The following TBCD variants were observed in gnomAD, a reference collection of about 807,000 sequenced individuals.
TBCD encodes the protein tubulin folding cofactor D.
Under a neutral mutation model 169.3 loss-of-function variants are expected in TBCD, and 105 were observed. That is an observed-to-expected ratio of 0.62 (90% CI 0.53 to 0.73). TBCD has a LOEUF of 0.73. TBCD is among the 30% of genes least tolerant of loss of function. The pLI, the probability that TBCD is intolerant of heterozygous loss-of-function variation, is 0.00. For synonymous variants in TBCD, 700 were observed against 643.9 expected (o/e 1.09, Z -1.32); for missense variants, 1,444 against 1,600.1 (o/e 0.90, Z 1.66).
chr17:82,863,939 C>T (rs527880093), intron 13 of TBCD, among the ~76,000 whole-genome samples: 8 of 152,338 alleles, frequency 5.3e-5, no homozygotes, highest in Admixed American at 4.6e-4. Flanking sequence ...TGCCTCACAG[C>T]GGCAGTCCGA....
intron 17 of TBCD, among the ~76,000 whole-genome samples, chr17:82,899,293 G>A (rs920791342): frequency 2.0e-5 from 3 of 148,668 alleles, no homozygotes; most frequent in South Asian, 2.1e-4. Context: ...TCCTCAGTGC[G>A]TGTGTCCTCC....
rs1598350951 is a variant in TBCD at position 82,752,161 on chromosome 17, G to T, written c.-33G>T. On this transcript the variant is annotated 5_prime_UTR_variant, in exon 1 of 39. Transcript: ENST00000355528. The stretch of plus-strand genomic sequence containing the variant: ...CTAGCGGAGTGGGATCTGCGAACAC[G>T]TGAGGCGGGGGCGCGGTCCCCAGGC... 6.8e-7 allele frequency: 1 copy of T among 1,469,210 alleles called. No individual in the cohort carries two copies. The highest frequency in any genetic ancestry group is 2.9e-5 in the East Asian group (1 of 34,360). 91.0% of individuals were successfully genotyped at this position (1,469,210 alleles called of 1,614,324 possible).
In TBCD at chr17:82,806,639, C is replaced by G. The variant is rs1200354634; in HGVS notation, c.1087+628C>G. 6.6e-6 allele frequency among the ~76,000 whole-genome samples: 1 copy of G among 152,134 alleles called. No homozygotes were observed. Among genetic ancestry groups the G allele is most frequent in the Non-Finnish European group, 1.5e-5 (1 of 68,006 alleles). ...AGGCCCCCATCCTCCCAGTATCTCC[C>G]AGCTTCCTGATGGGCAGGCGGGGCC... On this transcript the variant is annotated intron_variant, in intron 10 of 38. Coordinates refer to ENST00000355528, the MANE Select transcript of TBCD (RefSeq NM_005993.5). The surrounding 1 kb of genome is among the most constrained non-coding windows in gnomAD (Gnocchi z 5.1).
At chr17:82,788,465 TTCCCC>T (rs2144442981) in intron 7 of TBCD, among the ~76,000 whole-genome samples, 1 of 152,270 alleles carries the variant, frequency 6.6e-6, no homozygotes, top group Non-Finnish European at 1.5e-5. Flanking sequence ...TAGGATGCTC[TTCCCC>T]TTATCGGCTG....
At position 82,835,953 on chromosome 17, in the gene TBCD, C is replaced by T. The variant is rs569200145; in HGVS notation, c.1318+21019C>T. On this transcript the variant is annotated intron_variant, in intron 13 of 38. Transcript: ENST00000355528. The surrounding 1 kb of genome is among the most constrained non-coding windows in gnomAD (Gnocchi z 4.5). ...GTTACCCTACAACCAGGGAGGGTGT[C>T]GGGTGACACCCTGGGCTCAGACCCC... Among the ~76,000 whole-genome samples the T allele has an allele frequency of 3.9e-5, 6 of 152,298 alleles. No individual in the cohort carries two copies. Among genetic ancestry groups the T allele is most frequent in the African/African-American group, 9.6e-5 (4 of 41,572 alleles).
rs138391103 is a variant in TBCD at position 82,831,150 on chromosome 17, G to A, written c.1318+16216G>A. ...TTCCCAGTGCGCTGGAGGCTGCCTTGTTGGAGAGGTCGTACAGGCCTTCGC... is the reference window on the plus strand; with the variant it reads ...TTCCCAGTGCGCTGGAGGCTGCCTTATTGGAGAGGTCGTACAGGCCTTCGC... On this transcript the variant is annotated intron_variant, in intron 13 of 38. Transcript: ENST00000355528. This position sits in a 1 kb window ranked among gnomAD's most constrained non-coding sequence, Gnocchi z 4.6. 1.7e-5 allele frequency: 28 copies of A among 1,614,148 alleles called. No individual in the cohort carries two copies. In the East Asian group the frequency reaches 6.0e-4, roughly 35 times the overall value.
intron 2 of TBCD, among the ~76,000 whole-genome samples, chr17:82,758,400 A>AAAAATAAAAAAAT (rs1035939621): frequency 1.0e-5 from 1 of 100,032 alleles, no homozygotes; most frequent in African/African-American, 3.6e-5. Context: ...AAAAAAAAAA[A>AAAAATAAAAAAAT]AAATAAATAA....
intron 13 of TBCD, among the ~76,000 whole-genome samples, chr17:82,820,705 G>C (rs2052344305): frequency 6.6e-6 from 1 of 151,862 alleles, no homozygotes; most frequent in Non-Finnish European, 1.5e-5. Flanking sequence ...TACGCTTGAT[G>C]GTGCCCTATG....
rs973586512 is a variant in TBCD at position 82,890,813 on chromosome 17, C to T, written c.1563+1116C>T. On this transcript the variant is annotated intron_variant, in intron 16 of 38. Coordinates refer to ENST00000355528, the MANE Select transcript of TBCD (RefSeq NM_005993.5). This position sits in a 1 kb window ranked among gnomAD's most constrained non-coding sequence, Gnocchi z 5.3. The stretch of plus-strand genomic sequence containing the variant: ...AGAGACACCAGCCTTGCAAGGGGAG[C>T]CTGGGTGTGCAGACAGCAAGAGCCG... Among the ~76,000 whole-genome samples the T allele has an allele frequency of 6.6e-6, 1 of 152,174 alleles. No individual in the cohort carries two copies. Among genetic ancestry groups the T allele is most frequent in the African/African-American group, 2.4e-5 (1 of 41,448 alleles).
chr17:82,850,862 A>G lies in TBCD; in HGVS notation c.1319-19362A>G, dbSNP rs79524656. Among the ~76,000 whole-genome samples the G allele has an allele frequency of 8.0e-4, 122 of 152,374 alleles. 4 individuals are homozygous for G. The East Asian group carries it at 0.021, about 26-fold the overall frequency. ...GCAGAGATAAATGGACAGACCCGGT[A>G]TCCTCCTGAGAGCTCAAAACACCTC... On this transcript the variant is annotated intron_variant, in intron 13 of 38. Transcript: ENST00000355528.
At position 82,880,726 on chromosome 17, in the gene TBCD, G is replaced by T. The variant is rs1424912450; in HGVS notation, c.1476-3419G>T. On this transcript the variant is annotated intron_variant, in intron 14 of 38. Transcript: ENST00000355528. The surrounding 1 kb of genome is among the most constrained non-coding windows in gnomAD (Gnocchi z 5.0). ...GCTCCCCACACAGTGACACCTGTCT[G>T]TCCGTCCGTCTGTCCACAGGAGCAG... is the stretch of plus-strand genomic sequence containing the variant. Among the ~76,000 whole-genome samples, 1 of 151,612 alleles carries T rather than the reference G, an allele frequency of 6.6e-6. No homozygotes were observed. The highest frequency in any genetic ancestry group is 2.4e-5 in the African/African-American group (1 of 40,868).
rs752950340 is a variant in TBCD, at chr17:82,874,069, G to A, written c.1475+3689G>A. 3.3e-5 allele frequency among the ~76,000 whole-genome samples: 5 copies of A among 152,210 alleles called. No homozygotes were observed. Among genetic ancestry groups the A allele is most frequent in the East Asian group, 1.9e-4 (1 of 5,192 alleles). On this transcript the variant is annotated intron_variant, in intron 14 of 38. Transcript: ENST00000355528. The surrounding 1 kb of genome is among the most constrained non-coding windows in gnomAD (Gnocchi z 5.0). ...CGTGTGGACCGGCACGGGCATGGTC[G>A]TGGTCTGCCCAGCTGGGTGTGGGGT...
chr17:82,937,556 C>T lies in TBCD; in HGVS notation c.3281+196C>T, dbSNP rs1262089322. 3 of 618,976 alleles carry T rather than the reference C, an allele frequency of 4.8e-6. No individual in the cohort carries two copies. In the East Asian group the frequency reaches 8.2e-5, roughly 17 times the overall value. 38.3% of individuals were successfully genotyped at this position (618,976 alleles called of 1,614,324 possible). The stretch of plus-strand genomic sequence containing the variant: ...AGCCCAGGTGCTGGTGGAGGGAGTT[C>T]CCGCGGGAACAGGCGAGCTCTGCCT... On this transcript the variant is annotated intron_variant, in intron 35 of 38. Coordinates refer to ENST00000355528, the MANE Select transcript of TBCD (RefSeq NM_005993.5).
intron 23 of TBCD, among the ~76,000 whole-genome samples, chr17:82,914,596 C>T (rs554377150): frequency 4.6e-5 from 7 of 152,164 alleles, no homozygotes; most frequent in Non-Finnish European, 4.4e-5. Flanking sequence ...GGGCGTGTCC[C>T]GTGGAAAGCT....
chr17:82,828,940 GC>G (rs1410355498), intron 13 of TBCD, among the ~76,000 whole-genome samples: 2 of 137,902 alleles, frequency 1.5e-5, no homozygotes, highest in Non-Finnish European at 3.1e-5. Context: ...GAGTGTGCAT[GC>G]CCCCCACGGA....
chr17:82,809,568 T>C (rs1598634217), intron 11 of TBCD, 140 bp from the exon 12 acceptor site: 2 of 818,344 alleles, frequency 2.4e-6, no homozygotes, highest in Admixed American at 2.1e-5. Context: ...CCAAGCAGGG[T>C]GCGGGCTTGC....
intron 13 of TBCD, among the ~76,000 whole-genome samples, chr17:82,846,269 TGTGTCCTCTTGTCC>T (rs2055066022): frequency 8.4e-6 from 1 of 118,678 alleles, no homozygotes; most frequent in African/African-American, 3.1e-5. Context: ...TCCTCTGTGC[TGTGTCCTCTTGTCC>T]AGCCCTCTGC....
chr17:82,881,752 T>C (rs1228170916), intron 14 of TBCD, among the ~76,000 whole-genome samples: 4 of 152,262 alleles, frequency 2.6e-5, no homozygotes, highest in African/African-American at 9.6e-5. Flanking sequence ...CTGTTTTATT[T>C]AATTTCATTT....
chr17:82,879,025 G>T (rs1244962611), intron 14 of TBCD, among the ~76,000 whole-genome samples: 2 of 147,630 alleles, frequency 1.4e-5, no homozygotes, highest in African/African-American at 2.5e-5. Context: ...GCCACTTCAG[G>T]TTGGCTTCTG....
Sources: allele counts gnomAD v4.1 joint callset (sites outside exome capture counted in the v4.1 genomes callset), GRCh38; gene constraint gnomAD v4.1.1; non-coding constraint Gnocchi (gnomAD v3.1); transcripts MANE v1.5; gene names NCBI Gene and HGNC (gene_info 2026-07-23, HGNC 2026-07-21).